ESRRG: variants seen among roughly 807,000 people sequenced by gnomAD.
The protein encoded by ESRRG is estrogen-related receptor gamma.
In ESRRG, 13 loss-of-function variants were observed where a neutral mutation model predicts 44.0. That is an observed-to-expected ratio of 0.30 (90% CI 0.19 to 0.47). The LOEUF (loss-of-function observed/expected upper bound fraction) is 0.47. Ranked by LOEUF, ESRRG falls within the 20% of genes least tolerant of loss-of-function variation. The probability of loss-of-function intolerance (pLI) is 1.00; values close to 1 mark genes in which losing one functional copy is unlikely to be tolerated. For synonymous variants in ESRRG, 215 were observed against 214.6 expected (o/e 1.00, Z -0.02); for missense variants, 395 against 580.6 (o/e 0.68, Z 3.29).
chr1:216,731,708 C>T (rs767024685), intron 2 of ESRRG, among the ~76,000 whole-genome samples: 1 of 152,150 alleles, frequency 6.6e-6, no homozygotes, highest in Non-Finnish European at 1.5e-5. Flanking sequence ...TTCCCATTTC[C>T]GTGGTAGATT....
intron 1 of ESRRG, among the ~76,000 whole-genome samples, chr1:217,025,810 C>T (rs1261966824): frequency 1.3e-5 from 2 of 152,128 alleles, no homozygotes; most frequent in Non-Finnish European, 1.5e-5. Context: ...TGCCAATGTC[C>T]TAGGAAGATC....
At chr1:216,598,502 C>A (rs1464169888) in intron 3 of ESRRG, among the ~76,000 whole-genome samples, 1 of 152,130 alleles carries the variant, frequency 6.6e-6, no homozygotes, top group Non-Finnish European at 1.5e-5. Context: ...AAAATGGAGG[C>A]AACAATTAGA....
intron 2 of ESRRG, among the ~76,000 whole-genome samples, chr1:216,804,546 T>G (rs997986057): frequency 6.6e-6 from 1 of 152,180 alleles, no homozygotes; most frequent in African/African-American, 2.4e-5. Context: ...TTAGCACTCT[T>G]AAATCACAAA....
intron 1 of ESRRG, among the ~76,000 whole-genome samples, chr1:217,118,065 C>A (rs578077437): frequency 6.6e-6 from 1 of 152,156 alleles, no homozygotes; most frequent in Non-Finnish European, 1.5e-5. Flanking sequence ...TGAGCCAGAG[C>A]CTGTTCTAAG....
intron 1 of ESRRG, among the ~76,000 whole-genome samples, chr1:217,088,217 A>G (rs1044608114): frequency 1.1e-4 from 17 of 152,216 alleles, no homozygotes; most frequent in East Asian, 1.9e-4. Context: ...GAAACAAATG[A>G]GAGTTTCTCT....
chr1:216,858,738 G>C (rs1473361620), intron 2 of ESRRG, among the ~76,000 whole-genome samples: 1 of 152,188 alleles, frequency 6.6e-6, no homozygotes, highest in Non-Finnish European at 1.5e-5. Context: ...AAGTGGCAGA[G>C]TTGAGATTTG....
intron 3 of ESRRG, among the ~76,000 whole-genome samples, chr1:216,644,149 C>T (rs531474790): frequency 6.6e-6 from 1 of 152,204 alleles, no homozygotes; most frequent in Admixed American, 6.5e-5. Context: ...CCCAGGGTCC[C>T]AATTTTCTAT....
intron 2 of ESRRG, among the ~76,000 whole-genome samples, chr1:216,758,226 T>C (rs2092572280): frequency 6.6e-6 from 1 of 152,092 alleles, no homozygotes. Flanking sequence ...TTATGAGTTT[T>C]CTTTTTCAGT....
intron 1 of ESRRG, among the ~76,000 whole-genome samples, chr1:217,080,764 G>A (rs1420406010): frequency 2.2e-5 from 3 of 137,532 alleles, no homozygotes; most frequent in Admixed American, 1.6e-4. Context: ...TGCAAGCTTC[G>A]CCTCCCGGGT....
chr1:216,522,851 T>C (rs921625177), intron 5 of ESRRG, among the ~76,000 whole-genome samples: 2 of 152,168 alleles, frequency 1.3e-5, no homozygotes, highest in Non-Finnish European at 2.9e-5. Flanking sequence ...GGCTTACACA[T>C]GCTTGTATCC....
At chr1:216,908,901 T>C (rs890764174) in intron 2 of ESRRG, among the ~76,000 whole-genome samples, 1 of 151,382 alleles carries the variant, frequency 6.6e-6, no homozygotes, top group African/African-American at 2.4e-5. Flanking sequence ...TAGGGAACAA[T>C]TTTTTTTCAA....
chr1:216,815,605 A>T (rs1249495094), intron 2 of ESRRG, among the ~76,000 whole-genome samples: 3 of 152,136 alleles, frequency 2.0e-5, no homozygotes, highest in East Asian at 3.9e-4. Context: ...GCTTGGCTGC[A>T]CCTGGTAGCC....
chr1:216,688,760 A>G (rs1171327874), intron 1 of ESRRG, among the ~76,000 whole-genome samples: 2 of 152,160 alleles, frequency 1.3e-5, no homozygotes, highest in Non-Finnish European at 1.5e-5. Context: ...GTCATAAAAT[A>G]CAATTTTTGT....
chr1:216,909,394 C>G (rs747281745), intron 2 of ESRRG, among the ~76,000 whole-genome samples: 3 of 152,114 alleles, frequency 2.0e-5, no homozygotes, highest in Non-Finnish European at 2.9e-5. Flanking sequence ...TGGATAGTAA[C>G]CAGTTCCCAT....
intron 2 of ESRRG, chr1:216,805,226 C>G (rs2094750440): frequency 6.6e-6 from 1 of 152,270 alleles, no homozygotes; most frequent in East Asian, 1.9e-4. Context: ...TGGTGACATG[C>G]AACTGCAGAA....
intron 2 of ESRRG, among the ~76,000 whole-genome samples, chr1:216,738,669 T>C (rs1195539061): frequency 6.6e-6 from 1 of 152,044 alleles, no homozygotes; most frequent in Non-Finnish European, 1.5e-5. Flanking sequence ...AAGTATGAAA[T>C]GGTGAGACAG....
At chr1:216,851,634 C>T (rs571585796) in intron 2 of ESRRG, among the ~76,000 whole-genome samples, 1 of 152,298 alleles carries the variant, frequency 6.6e-6, no homozygotes, top group African/African-American at 2.4e-5. Flanking sequence ...ACCCTGATCT[C>T]AGACTTTCAG....
intron 1 of ESRRG, among the ~76,000 whole-genome samples, chr1:217,137,467 C>A (rs967013929): frequency 6.6e-6 from 1 of 152,230 alleles, no homozygotes; most frequent in African/African-American, 2.4e-5. Context: ...CCCTTTCCAG[C>A]CCCCGCGAAG....
intron 5 of ESRRG, among the ~76,000 whole-genome samples, chr1:216,557,709 A>G (rs895655058): frequency 3.9e-5 from 6 of 152,228 alleles, no homozygotes; most frequent in African/African-American, 4.8e-5. Context: ...TGGAACTAAT[A>G]AAGTTGTAAA....
Sources: allele counts gnomAD v4.1 joint callset (sites outside exome capture counted in the v4.1 genomes callset), GRCh38; gene constraint gnomAD v4.1.1; transcripts MANE v1.5; gene names NCBI Gene and HGNC (gene_info 2026-07-23, HGNC 2026-07-21).